MAP4: variants seen among roughly 807,000 people sequenced by gnomAD.
MAP4 encodes the protein microtubule-associated protein 4.
MAP4 carries 76 observed loss-of-function variants against 170.2 expected under a neutral mutation model. The ratio of observed to expected loss-of-function variants is 0.45; its 90% CI spans 0.37 to 0.54. The LOEUF (loss-of-function observed/expected upper bound fraction) is 0.54. Ranked by LOEUF, MAP4 falls within the 20% of genes least tolerant of loss-of-function variation. The pLI is 0.00. For synonymous variants in MAP4, 909 were observed against 994.5 expected (o/e 0.91, Z 1.62); for missense variants, 2,506 against 2,748.0 (o/e 0.91, Z 1.97).
chr3:47,916,209 T>C lies in MAP4; in HGVS notation c.1618A>G (p.Met540Val). 1.9e-6 allele frequency: 3 copies of C among 1,614,184 alleles called. No homozygotes were observed. Among genetic ancestry groups the C allele is most frequent in the South Asian group, 1.1e-5 (1 of 91,082 alleles). Residue 540 changes from methionine to valine, a missense_variant, in exon 7 of 21, where the codon ATG becomes GTG. Physicochemically the swap from Met to Val is conservative, Grantham distance 21 (BLOSUM62 1). This residue lies in a region of MAP4 where 2,008 missense variants were observed against 2,206.0 expected (regional missense o/e 0.91). Coordinates refer to ENST00000683076, the MANE Select transcript of MAP4 (RefSeq NM_001385682.1). ...LIKNVCLPPE[M>V]EVALTEDQVP... ...TGATCCTCAGTCAGGGCCACCTCCA[T>C]TTCTGGAGGCAGACATACGTTCTTG... is the stretch of plus-strand genomic sequence containing the variant.
chr3:47,926,811 C>T (rs138748329), intron 4 of MAP4, among the ~76,000 whole-genome samples: 6 of 152,340 alleles, frequency 3.9e-5, no homozygotes, highest in Middle Eastern at 3.4e-3. Context: ...GCTGGGATTA[C>T]AGGCACAAGT....
At chr3:47,987,434 C>G in intron 2 of MAP4, 1 of 1,524,214 alleles carries the variant, frequency 6.6e-7, no homozygotes, top group Non-Finnish European at 8.8e-7. Flanking sequence ...AGTGGGAGGT[C>G]TAGAAGGGAA....
chr3:47,945,260 G>A (rs766616907), intron 3 of MAP4, among the ~76,000 whole-genome samples: 2 of 152,136 alleles, frequency 1.3e-5, no homozygotes, highest in South Asian at 2.1e-4. Flanking sequence ...GCTGAGACAG[G>A]AGAATTGCTT....
At position 48,039,083 on chromosome 3, in the gene MAP4, G is replaced by A. The variant is rs368950267; in HGVS notation, c.-19-40204C>T. 1.7e-4 allele frequency among the ~76,000 whole-genome samples: 26 copies of A among 152,072 alleles called. 1 individual carries two copies. Among genetic ancestry groups the A allele is most frequent in the East Asian group, 9.7e-4 (5 of 5,170 alleles). ...CATACCACTGCACTCCAGCCTGGGA[G>A]ACAGAGGGAAACTCTGTCTCAAAAA... On this transcript the variant is annotated intron_variant, in intron 1 of 18. Transcript: ENST00000360240.
intron 1 of MAP4, among the ~76,000 whole-genome samples, chr3:48,029,995 A>C (rs1249433154): frequency 1.4e-5 from 2 of 147,892 alleles, no homozygotes; most frequent in African/African-American, 2.5e-5. Flanking sequence ...TCTCAAAAAA[A>C]AAAATATATA....
chr3:47,952,703 T>A (rs561893772), intron 3 of MAP4, among the ~76,000 whole-genome samples: 1 of 151,650 alleles, frequency 6.6e-6, no homozygotes. Context: ...ATTGGTCAGA[T>A]CGCGAGATCA....
chr3:47,897,832 C>G (rs1345253733), intron 10 of MAP4, among the ~76,000 whole-genome samples: 1 of 151,160 alleles, frequency 6.6e-6, no homozygotes, highest in Non-Finnish European at 1.5e-5. Flanking sequence ...ATCCCAGCTA[C>G]TCGGGAGTCT....
At chr3:47,921,047 G>A (rs2100042576) in intron 5 of MAP4, among the ~76,000 whole-genome samples, 1 of 152,178 alleles carries the variant, frequency 6.6e-6, no homozygotes, top group Non-Finnish European at 1.5e-5. Flanking sequence ...CTGCTCAGGA[G>A]ATTGAGGTGG....
chr3:47,867,122 C>T, intron 17 of MAP4, 124 bp downstream of exon 17: 1 of 662,538 alleles, frequency 1.5e-6, no homozygotes, highest in Admixed American at 2.9e-5. Flanking sequence ...TGCTAGTCTG[C>T]TTCTTACAGA....
intron 1 of MAP4, among the ~76,000 whole-genome samples, chr3:48,027,026 C>T (rs1486790851): frequency 3.3e-5 from 5 of 152,112 alleles, no homozygotes; most frequent in African/African-American, 4.8e-5. Flanking sequence ...TGATTAGAGG[C>T]GGCAAGTATG....
intron 3 of MAP4, among the ~76,000 whole-genome samples, chr3:47,955,157 T>G (rs935402693): frequency 6.6e-6 from 1 of 152,212 alleles, no homozygotes; most frequent in Non-Finnish European, 1.5e-5. Context: ...TATCATAAAC[T>G]TAATCTGGTG....
At chr3:47,968,890 C>T (rs2100076737) in intron 3 of MAP4, among the ~76,000 whole-genome samples, 1 of 151,742 alleles carries the variant, frequency 6.6e-6, no homozygotes, top group Non-Finnish European at 1.5e-5. Context: ...CTACTAAAAC[C>T]AGAAATGAAA....
At chr3:47,997,326 T>TTAAAAAAAAAAAAAAAAAAAAAAAAAA in intron 2 of MAP4, among the ~76,000 whole-genome samples, 1 of 44,994 alleles carries the variant, frequency 2.2e-5, no homozygotes, top group Non-Finnish European at 4.3e-5. Flanking sequence ...TTTAAACTGC[T>TTAAAAAAAAAAAAAAAAAAAAAAAAAA]AAAAAAAAAA....
chr3:48,077,182 C>T (rs770810917), intron 1 of MAP4, among the ~76,000 whole-genome samples: 1 of 152,106 alleles, frequency 6.6e-6, no homozygotes, highest in Non-Finnish European at 1.5e-5. Flanking sequence ...GTGGCTCACG[C>T]CTGTAATCCC....
chr3:48,080,724 T>C (rs2100146190), intron 1 of MAP4, among the ~76,000 whole-genome samples: 1 of 152,230 alleles, frequency 6.6e-6, no homozygotes, highest in Non-Finnish European at 1.5e-5. Flanking sequence ...CTCAAGCCTG[T>C]AATCCCAGCA....
At chr3:47,854,022 A>G (rs977992179) in intron 19 of MAP4, among the ~76,000 whole-genome samples, 1 of 152,234 alleles carries the variant, frequency 6.6e-6, no homozygotes, top group African/African-American at 2.4e-5. Flanking sequence ...GCGAGAGGCC[A>G]CTGGGGAGCT....
rs144538831 is a variant in MAP4, at chr3:48,050,704, G to A, written c.-20+38069C>T. 1.4e-3 allele frequency among the ~76,000 whole-genome samples: 205 copies of A among 150,928 alleles called. 1 individual carries two copies. The highest frequency in any genetic ancestry group is 4.7e-3 in the African/African-American group (191 of 40,722). On this transcript the variant is annotated intron_variant, in intron 1 of 18. Transcript: ENST00000360240. ...CAGGCGGATCACAGGTCAAGAGATC[G>A]AGACCATCCTGGCCAACATGGTGAA...
chr3:47,863,778 C>G (rs1039600143), intron 17 of MAP4, among the ~76,000 whole-genome samples: 3 of 152,070 alleles, frequency 2.0e-5, no homozygotes, highest in Non-Finnish European at 4.4e-5. Flanking sequence ...TCCCTCCCCT[C>G]CGCTGGTGTC....
chr3:47,984,047 G>A (rs909573015), intron 2 of MAP4, among the ~76,000 whole-genome samples: 3 of 151,922 alleles, frequency 2.0e-5, no homozygotes, highest in African/African-American at 4.8e-5. Context: ...ATTTAATTGC[G>A]AATAATATGC....
Sources: gnomAD v4.1 joint callset for allele counts (sites outside exome capture counted in the v4.1 genomes callset) on GRCh38, gnomAD v4.1.1 for gene constraint, gnomAD v4.1.1 regional missense constraint, MANE v1.5 for transcripts, NCBI Gene and HGNC (gene_info 2026-07-23, HGNC 2026-07-21) for gene names.